The following NECTIN1 variants were observed in gnomAD, a reference collection of about 807,000 sequenced individuals.
NECTIN1 encodes nectin cell adhesion molecule 1.
NECTIN1 carries 23 observed loss-of-function variants against 48.0 expected under a neutral mutation model. The ratio of observed to expected loss-of-function variants is 0.48; its 90% CI spans 0.34 to 0.68. NECTIN1 has a LOEUF of 0.68. Ranked by LOEUF, NECTIN1 falls within the 30% of genes least tolerant of loss-of-function variation. NECTIN1 has a pLI of 0.01. For missense variants in NECTIN1, 591 were observed against 709.9 expected (o/e 0.83, Z 1.90); for synonymous variants, 270 against 288.9 (o/e 0.93, Z 0.66).
chr11:119,718,924 T>A (rs1865784709), intron 1 of NECTIN1, among the ~76,000 whole-genome samples: 1 of 152,248 alleles, frequency 6.6e-6, no homozygotes, highest in Non-Finnish European at 1.5e-5. Context: ...TGAAATGTTA[T>A]CTTGGGGATG....
Position 119,675,195 on chromosome 11 carries a change from C to G in NECTIN1, c.967G>C (p.Gly323Arg). Residue 323 changes from glycine to arginine, a missense_variant, in exon 5 of 6, where the codon GGT becomes CGT. Gly to Arg is a moderately radical substitution (Grantham distance 125). Coordinates refer to ENST00000264025, the MANE Select transcript of NECTIN1 (RefSeq NM_002855.5). Reference protein sequence around the residue: ...TYICEATNPIGTRSGQVEVNI... With the variant: ...TYICEATNPIRTRSGQVEVNI... ...ACCTCCACCTGGCCTGAGCGTGTACCGATGGGGTTGGTGGCCTCACAGATG... is the reference window on the plus strand; with the variant it reads ...ACCTCCACCTGGCCTGAGCGTGTACGGATGGGGTTGGTGGCCTCACAGATG... 1 of 1,614,106 alleles carries G rather than the reference C, an allele frequency of 6.2e-7. No individual in the cohort carries two copies. The highest frequency in any genetic ancestry group is 1.3e-5 in the African/African-American group (1 of 75,034).
At chr11:119,653,312 C>G (rs1020397359) in intron 5 of NECTIN1, among the ~76,000 whole-genome samples, 2 of 152,226 alleles carry the variant, frequency 1.3e-5, no homozygotes, top group African/African-American at 4.8e-5. Context: ...CTCTCGCTTC[C>G]TATGTCAGGT....
chr11:119,681,904 C>T (rs556343345), intron 1 of NECTIN1, among the ~76,000 whole-genome samples: 11 of 152,262 alleles, frequency 7.2e-5, no homozygotes, highest in African/African-American at 2.6e-4. Context: ...CTCTTTGCTA[C>T]ATCTGACTGC....
rs1864981784 is a variant in NECTIN1, at chr11:119,677,687, G to A, written c.601C>T (p.Pro201Ser). Residue 201 changes from proline to serine, a missense_variant, in exon 3 of 6, where the codon CCC becomes TCC. Coordinates refer to ENST00000264025, the MANE Select transcript of NECTIN1 (RefSeq NM_002855.5). The surrounding 1 kb of genome is among the most constrained non-coding windows in gnomAD (Gnocchi z 5.4). ...GEAEYQEIRN[P>S]NGTVTVISRY... ...CTGATGACCGTCACTGTGCCATTGGGGTTCCGGATCTCCTGGTACTCTGCC... is the reference window on the plus strand; with the variant it reads ...CTGATGACCGTCACTGTGCCATTGGAGTTCCGGATCTCCTGGTACTCTGCC... 1 of 1,614,134 alleles carries A rather than the reference G, an allele frequency of 6.2e-7. No homozygotes were observed. Among genetic ancestry groups the A allele is most frequent in the Non-Finnish European group, 8.5e-7 (1 of 1,180,022 alleles).
At chr11:119,716,117 G>A (rs1334215554) in intron 1 of NECTIN1, among the ~76,000 whole-genome samples, 1 of 152,164 alleles carries the variant, frequency 6.6e-6, no homozygotes, top group Non-Finnish European at 1.5e-5. Context: ...GAGCACAGGA[G>A]GCACCTGCCC....
At chr11:119,707,685 C>T (rs1865572063) in intron 1 of NECTIN1, among the ~76,000 whole-genome samples, 1 of 152,180 alleles carries the variant, frequency 6.6e-6, no homozygotes, top group Admixed American at 6.5e-5. Flanking sequence ...TGGTTCTTCC[C>T]CTTGCTTTTA....
intron 1 of NECTIN1, chr11:119,713,821 T>C (rs1865701207): frequency 4.4e-6 from 2 of 455,434 alleles, no homozygotes; most frequent in Non-Finnish European, 8.8e-6. Flanking sequence ...AGCCTCAGAG[T>C]TCGGCGAGGG....
chr11:119,658,688 T>G (rs1055496180), downstream of NECTIN1, among the ~76,000 whole-genome samples: 8 of 152,174 alleles, frequency 5.3e-5, no homozygotes, highest in Non-Finnish European at 1.0e-4. Context: ...CAACTCCACT[T>G]AACACCAAAT....
At chr11:119,688,310 G>A (rs1487968362) in intron 1 of NECTIN1, among the ~76,000 whole-genome samples, 1 of 152,148 alleles carries the variant, frequency 6.6e-6, no homozygotes, top group African/African-American at 2.4e-5. Flanking sequence ...AACCTACCTA[G>A]AAATCACGTG....
intron 1 of NECTIN1, among the ~76,000 whole-genome samples, chr11:119,691,168 A>G (rs1865245706): frequency 6.6e-6 from 1 of 152,132 alleles, no homozygotes; most frequent in Admixed American, 6.5e-5. Context: ...ATCAGTGCCA[A>G]CCTAGACCAC....
intron 5 of NECTIN1, chr11:119,654,234 C>T (rs1864533208): frequency 6.6e-6 from 1 of 150,840 alleles, no homozygotes; most frequent in Admixed American, 6.7e-5. Context: ...GGTTTACTTG[C>T]CCATCTGAAT....
chr11:119,638,129 C>G (rs771532571), exon 8 of NECTIN1: 150 of 1,613,690 alleles, frequency 9.3e-5, no homozygotes, highest in Non-Finnish European at 1.3e-4. Context: ...TTCGGTTGTC[C>G]TTACCGAGGG....
chr11:119,685,170 G>C (rs916754028), intron 1 of NECTIN1, among the ~76,000 whole-genome samples: 8 of 152,202 alleles, frequency 5.3e-5, no homozygotes, highest in Admixed American at 2.0e-4. Context: ...GGGAGGTGCT[G>C]ATAACATCCC....
downstream of NECTIN1, among the ~76,000 whole-genome samples, chr11:119,657,920 C>CAAAAAAAA: frequency 1.3e-5 from 1 of 78,272 alleles, no homozygotes; most frequent in Non-Finnish European, 2.4e-5. Flanking sequence ...GACCCCGTCT[C>CAAAAAAAA]AAAAAAAAAA....
At chr11:119,639,900 C>G in exon 6 of NECTIN1, 1 of 1,614,170 alleles carries the variant, frequency 6.2e-7, no homozygotes, top group Non-Finnish European at 8.5e-7. Context: ...TCTTCTGCTG[C>G]CGGTTGTACA....
chr11:119,690,198 C>T (rs891766194), intron 1 of NECTIN1, among the ~76,000 whole-genome samples: 2 of 152,072 alleles, frequency 1.3e-5, no homozygotes, highest in African/African-American at 4.8e-5. Flanking sequence ...TCCTCGCAGC[C>T]CCTCCTTGGT....
At chr11:119,723,250 T>C (rs1423561044) in intron 1 of NECTIN1, among the ~76,000 whole-genome samples, 2 of 141,384 alleles carry the variant, frequency 1.4e-5, no homozygotes, top group African/African-American at 2.6e-5. Flanking sequence ...AAGGGAAAAC[T>C]GAGGCCTGTA....
In NECTIN1 at chr11:119,678,587, G is replaced by A. The variant is rs150914244; in HGVS notation, c.258C>T (p.Gly86=). The change falls in exon 2 of 6, where the codon GGC becomes GGT. Residue 86 remains glycine (G), a synonymous_variant. Transcript: ENST00000264025. The surrounding 1 kb of genome is among the most constrained non-coding windows in gnomAD (Gnocchi z 4.4). ...QNVAIYNPSM[G]VSVLAPYRER... ...CGCGGTAGGGAGCCAGCACGGACAC[G>A]CCCATGGATGGGTTGTAGATGGCCA... The A allele has an allele frequency of 2.0e-5, 33 of 1,614,062 alleles. No individual in the cohort carries two copies. Among genetic ancestry groups the A allele is most frequent in the African/African-American group, 9.3e-5 (7 of 74,924 alleles).
At chr11:119,640,118 A>G in intron 5 of NECTIN1, 2 of 1,240,728 alleles carry the variant, frequency 1.6e-6, no homozygotes, top group Non-Finnish European at 2.3e-6. Context: ...TCTGCCTTTG[A>G]CATTGCACCC....
Sources: gnomAD v4.1 joint callset for allele counts (sites outside exome capture counted in the v4.1 genomes callset) on GRCh38, gnomAD v4.1.1 for gene constraint, Gnocchi (gnomAD v3.1) non-coding constraint, MANE v1.5 for transcripts, NCBI Gene and HGNC (gene_info 2026-07-23, HGNC 2026-07-21) for gene names.